FAM193A: variants seen among roughly 807,000 people sequenced by gnomAD.
The protein encoded by FAM193A is protein FAM193A.
FAM193A carries 22 observed loss-of-function variants against 126.5 expected under a neutral mutation model. The ratio of observed to expected loss-of-function variants is 0.17; its 90% CI spans 0.12 to 0.25. FAM193A has a LOEUF of 0.25. FAM193A is among the 10% of genes least tolerant of loss of function. FAM193A has a pLI of 1.00. For synonymous variants in FAM193A, 761 were observed against 646.8 expected, an observed-to-expected ratio of 1.18 and a Z score of -2.68; for missense variants, 1,675 against 1,672.8, an observed-to-expected ratio of 1.00 and a Z score of -0.02.
At chr4:2,635,549 A>G (rs1049314083) in intron 5 of FAM193A, among the ~76,000 whole-genome samples, 4 of 152,138 alleles carry the variant, frequency 2.6e-5, no homozygotes, top group African/African-American at 4.8e-5. Context: ...AAAAATAACT[A>G]TTTTCCAAAA....
chr4:2,648,673 G>A (rs1290631052), intron 7 of FAM193A, among the ~76,000 whole-genome samples: 2 of 152,200 alleles, frequency 1.3e-5, no homozygotes, highest in Non-Finnish European at 2.9e-5. Context: ...TGTGCCATGT[G>A]GGGGCAGCAC....
chr4:2,642,800 T>C (rs1258223539), intron 6 of FAM193A, among the ~76,000 whole-genome samples: 3 of 151,236 alleles, frequency 2.0e-5, no homozygotes, highest in Non-Finnish European at 4.4e-5. Flanking sequence ...TGGTGAGATC[T>C]TGGCTCACTG....
At chr4:2,588,047 C>G (rs928083001) in intron 1 of FAM193A, among the ~76,000 whole-genome samples, 7 of 152,170 alleles carry the variant, frequency 4.6e-5, no homozygotes, top group Admixed American at 1.3e-4. Context: ...AAACTACTGC[C>G]AAGTGCTTTT....
At position 2,660,052 on chromosome 4, in the gene FAM193A, T is replaced by C; in HGVS notation, c.1743T>C (p.Thr581=). 2.5e-6 allele frequency: 4 copies of C among 1,613,222 alleles called. No individual in the cohort carries two copies. Among genetic ancestry groups the C allele is most frequent in the Non-Finnish European group, 3.4e-6 (4 of 1,179,292 alleles). ...TCACAGACAGTGGCTCGGCACCAAC[T>C]TTGTAAGTTGTGACTTTGTAATAAA... The part of the protein sequence containing the change: ...LILTDSGSAP[T]FCSDDEDVAP... The change falls in exon 10 of 21, where the codon ACT becomes ACC. Residue 581 remains threonine (T), a splice_region_variant and synonymous_variant. Coordinates refer to ENST00000637812, the MANE Select transcript of FAM193A (RefSeq NM_001366318.2).
chr4:2,666,595 A>G (rs901174839), intron 12 of FAM193A, among the ~76,000 whole-genome samples: 6 of 152,164 alleles, frequency 3.9e-5, no homozygotes, highest in African/African-American at 1.4e-4. Context: ...ATTGAGATTT[A>G]TTAAATATTT....
chr4:2,684,692 G>T (rs1028052062), intron 13 of FAM193A, among the ~76,000 whole-genome samples: 1 of 152,182 alleles, frequency 6.6e-6, no homozygotes, highest in Non-Finnish European at 1.5e-5. Flanking sequence ...CCAGACTGCT[G>T]CCCCCACACG....
At chr4:2,588,299 C>T (rs542715418) in intron 1 of FAM193A, among the ~76,000 whole-genome samples, 2 of 152,216 alleles carry the variant, frequency 1.3e-5, no homozygotes, top group African/African-American at 2.4e-5. Flanking sequence ...TGCCTCTTTA[C>T]CTTAAGTCGT....
chr4:2,590,975 C>T (rs537993623), intron 1 of FAM193A, among the ~76,000 whole-genome samples: 5 of 150,978 alleles, frequency 3.3e-5, no homozygotes, highest in Admixed American at 1.3e-4. Flanking sequence ...TGCACTGAGC[C>T]GAGATCGTGC....
At chr4:2,730,267 CTA>C (rs753230286) in intron 20 of FAM193A, among the ~76,000 whole-genome samples, 3 of 152,198 alleles carry the variant, frequency 2.0e-5, no homozygotes, top group Non-Finnish European at 4.4e-5. Context: ...AGAATGTTGA[CTA>C]TTTGCCTGGC....
At chr4:2,628,565 A>T (rs1743207383) in intron 4 of FAM193A, among the ~76,000 whole-genome samples, 1 of 152,156 alleles carries the variant, frequency 6.6e-6, no homozygotes, top group African/African-American at 2.4e-5. Flanking sequence ...TAAGCCCAGG[A>T]GTTCGGTGCT....
At chr4:2,692,759 G>T (rs1009599442) in intron 15 of FAM193A, among the ~76,000 whole-genome samples, 1 of 149,278 alleles carries the variant, frequency 6.7e-6, no homozygotes, top group African/African-American at 2.4e-5. Flanking sequence ...TTGGAAAATG[G>T]AATATGGGTT....
upstream of FAM193A, among the ~76,000 whole-genome samples, chr4:2,535,971 C>T (rs759812243): frequency 6.6e-6 from 1 of 152,158 alleles, no homozygotes; most frequent in African/African-American, 2.4e-5. Context: ...GGCTTTCCAG[C>T]GCTGCCCGAA....
At chr4:2,592,569 A>G (rs1482653330) in intron 1 of FAM193A, among the ~76,000 whole-genome samples, 1 of 152,132 alleles carries the variant, frequency 6.6e-6, no homozygotes, top group Non-Finnish European at 1.5e-5. Context: ...TCCCTGAGAG[A>G]AGAAGAATAA....
chr4:2,698,108 G>T (rs1314985394), intron 18 of FAM193A, among the ~76,000 whole-genome samples: 1 of 152,240 alleles, frequency 6.6e-6, no homozygotes. Context: ...GCAGCTCACA[G>T]ATGTGTGTTG....
chr4:2,625,302 A>T lies in FAM193A; in HGVS notation c.542A>T (p.Gln181Leu), dbSNP rs1239887538. The T allele has an allele frequency of 7.1e-6, 5 of 702,916 alleles. No homozygotes were observed. Among genetic ancestry groups the T allele is most frequent in the Non-Finnish European group, 1.3e-5 (5 of 384,978 alleles). The allele number at this position is 702,916 out of a possible 1,614,324, so 43.5% of individuals were successfully genotyped here. ...CTTCACTCCTCGCTTGGTGGCTCCC[A>T]GCCAGAGGCCGGCAGTGGTGGGAGG... ...FLLHSSLGGS[Q>L]PEAGSGGRLA... The change falls in exon 3 of 21, where the codon CAG (glutamine) becomes CTG (leucine). Residue 181 changes from glutamine (Q) to leucine (L), a missense_variant. This residue lies in a region of FAM193A where 1,186 missense variants were observed against 1,109.2 expected (regional missense o/e 1.07). Transcript: ENST00000637812.
chr4:2,605,054 C>T (rs1369977182), intron 2 of FAM193A, among the ~76,000 whole-genome samples: 1 of 151,628 alleles, frequency 6.6e-6, no homozygotes, highest in Non-Finnish European at 1.5e-5. Context: ...AGCAATCCTA[C>T]CACCTTGGCC....
At chr4:2,589,721 C>CA (rs1740415046) in intron 1 of FAM193A, among the ~76,000 whole-genome samples, 1 of 152,152 alleles carries the variant, frequency 6.6e-6, no homozygotes, top group South Asian at 2.1e-4. Flanking sequence ...GCCTTTTGCT[C>CA]AGAGAACCTG....
chr4:2,641,893 T>G (rs1744661325), intron 6 of FAM193A, among the ~76,000 whole-genome samples: 1 of 151,402 alleles, frequency 6.6e-6, no homozygotes. Flanking sequence ...TGCTTAAGCC[T>G]AGGAGCTGGA....
At chr4:2,621,937 G>A (rs1742567976) in intron 2 of FAM193A, among the ~76,000 whole-genome samples, 1 of 152,048 alleles carries the variant, frequency 6.6e-6, no homozygotes, top group Non-Finnish European at 1.5e-5. Context: ...CACATTTTCA[G>A]GTACTCAGGT....
Sources: gnomAD v4.1 joint callset for allele counts (sites outside exome capture counted in the v4.1 genomes callset) on GRCh38, gnomAD v4.1.1 for gene constraint, gnomAD v4.1.1 regional missense constraint, MANE v1.5 for transcripts, NCBI Gene and HGNC (gene_info 2026-07-23, HGNC 2026-07-21) for gene names.